Variants in MBD5 observed in about 807,000 individuals in gnomAD.
MBD5 encodes the protein methyl-CpG binding domain protein 5, also known as methyl-CpG-binding domain protein 5.
In MBD5, 13 loss-of-function variants were observed where a neutral mutation model predicts 117.3. The observed-to-expected ratio is 0.11, with a 90% CI of 0.07 to 0.18. MBD5 has a LOEUF of 0.18. MBD5 is among the 10% of genes least tolerant of loss of function. The probability of loss-of-function intolerance (pLI) is 1.00; values close to 1 mark genes in which losing one functional copy is unlikely to be tolerated. For missense variants in MBD5, 1,879 were observed against 2,093.8 expected (o/e 0.90, Z 2.00); for synonymous variants, 727 against 766.4 (o/e 0.95, Z 0.85).
At chr2:148,045,492 TG>T (rs1312453023) in intron 1 of MBD5, among the ~76,000 whole-genome samples, 1 of 152,226 alleles carries the variant, frequency 6.6e-6, no homozygotes, top group Admixed American at 6.5e-5. Flanking sequence ...GCTTATCATA[TG>T]CCAGACATAG....
Position 148,462,802 on chromosome 2 carries a change from TTATC to T in MBD5, c.216+121_216+124del, listed in dbSNP as rs1198529488. ...TTCTCCAATCATACATTTTAATTCT[TTATC>T]TAATTCTCATATTTTGCATGTGTTT... On this transcript the variant is annotated intron_variant, in intron 6 of 13. Transcript: ENST00000642680. The T allele has an allele frequency of 4.2e-6, 3 of 712,012 alleles. No homozygotes were observed. In the African/African-American group the frequency reaches 5.4e-5, roughly 13 times the overall value. 44.1% of individuals were successfully genotyped at this position (712,012 alleles called of 1,614,324 possible).
chr2:148,324,412 C>G (rs553752012), intron 3 of MBD5, among the ~76,000 whole-genome samples: 29 of 152,188 alleles, frequency 1.9e-4, no homozygotes, highest in Admixed American at 1.6e-3. Flanking sequence ...CATTGAATCT[C>G]TAAATTACCT....
At chr2:148,312,799 G>A (rs886416587) in intron 3 of MBD5, among the ~76,000 whole-genome samples, 2 of 152,044 alleles carry the variant, frequency 1.3e-5, no homozygotes, top group Admixed American at 1.3e-4. Context: ...TCTACCTTTG[G>A]TCTTTGATGT....
intron 3 of MBD5, chr2:148,260,695 C>G (rs1216307229): frequency 4.8e-6 from 1 of 206,270 alleles, no homozygotes; most frequent in Non-Finnish European, 1.0e-5. Context: ...GCTGCTCTAC[C>G]CAGGTCAGAG....
chr2:148,390,010 GAA>G (rs1704517372), intron 4 of MBD5, among the ~76,000 whole-genome samples: 1 of 152,078 alleles, frequency 6.6e-6, no homozygotes, highest in South Asian at 2.1e-4. Flanking sequence ...CCGATGTCCA[GAA>G]AAGTTTTTCC....
intron 3 of MBD5, among the ~76,000 whole-genome samples, chr2:148,241,601 C>T (rs575205082): frequency 1.3e-5 from 2 of 152,022 alleles, no homozygotes; most frequent in East Asian, 1.9e-4. Context: ...CTTTCTGGGC[C>T]CCCCCTCCCT....
intron 1 of MBD5, among the ~76,000 whole-genome samples, chr2:148,060,111 A>G (rs565891058): frequency 9.5e-5 from 12 of 125,904 alleles, no homozygotes; most frequent in South Asian, 5.4e-4. Flanking sequence ...ACATAGTGAA[A>G]CCCTGTCTCT....
intron 2 of MBD5, among the ~76,000 whole-genome samples, chr2:148,203,035 G>A (rs913690662): frequency 2.0e-5 from 3 of 151,032 alleles, no homozygotes; most frequent in African/African-American, 4.9e-5. Flanking sequence ...AACTTGGGAG[G>A]TGGAGGTTGC....
At chr2:148,328,012 G>A (rs1310951865) in intron 3 of MBD5, among the ~76,000 whole-genome samples, 1 of 152,002 alleles carries the variant, frequency 6.6e-6, no homozygotes, top group Non-Finnish European at 1.5e-5. Context: ...TGTACAGATG[G>A]GTTTTTGGTG....
intron 12 of MBD5, among the ~76,000 whole-genome samples, chr2:148,509,630 T>C (rs1210276812): frequency 6.6e-6 from 1 of 152,190 alleles, no homozygotes; most frequent in Non-Finnish European, 1.5e-5. Flanking sequence ...AGCTCCCTAG[T>C]GGCCAGAGCC....
chr2:148,386,227 A>G (rs1458235999), intron 4 of MBD5, among the ~76,000 whole-genome samples: 1 of 152,240 alleles, frequency 6.6e-6, no homozygotes, highest in Non-Finnish European at 1.5e-5. Context: ...AATAAAGAGC[A>G]GAAATTAATG....
intron 4 of MBD5, among the ~76,000 whole-genome samples, chr2:148,433,735 T>C (rs1706065632): frequency 6.6e-6 from 1 of 152,184 alleles, no homozygotes. Flanking sequence ...TTTGTTGTGC[T>C]TCTGGATTCA....
chr2:148,427,423 C>T (rs1472813121), intron 4 of MBD5, among the ~76,000 whole-genome samples: 1 of 151,670 alleles, frequency 6.6e-6, no homozygotes, highest in African/African-American at 2.4e-5. Flanking sequence ...CAATGATAGA[C>T]TGGATTCCAT....
chr2:148,276,027 G>A (rs540247677), intron 3 of MBD5, among the ~76,000 whole-genome samples: 9 of 151,646 alleles, frequency 5.9e-5, no homozygotes, highest in African/African-American at 1.2e-4. Context: ...ATTTTTTAAC[G>A]TTGGCCAAGC....
intron 1 of MBD5, among the ~76,000 whole-genome samples, chr2:148,070,647 C>T (rs79640398): frequency 0.022 from 3,394 of 152,186 alleles, 112 homozygotes; most frequent in African/African-American, 0.078. Context: ...CTTTGTTAAA[C>T]TTCATGCCAT....
At chr2:148,319,468 AC>A (rs1702233088) in intron 3 of MBD5, among the ~76,000 whole-genome samples, 1 of 152,098 alleles carries the variant, frequency 6.6e-6, no homozygotes, top group Admixed American at 6.6e-5. Context: ...GAGATATCTC[AC>A]CTTGGTTAAA....
At chr2:148,195,898 A>G (rs531090431) in intron 2 of MBD5, among the ~76,000 whole-genome samples, 5 of 152,364 alleles carry the variant, frequency 3.3e-5, no homozygotes, top group Middle Eastern at 3.4e-3. Context: ...TGGCTTAGAA[A>G]GAAATTTGTA....
Position 148,394,072 on chromosome 2 carries a change from A to T in MBD5, c.-557+51736A>T, listed in dbSNP as rs1479248593. ...ATGTTCTGATTTAAGATATACAAATAGCAAATGCATTTTTGCACCCATAAG... is the reference window on the plus strand; with the variant it reads ...ATGTTCTGATTTAAGATATACAAATTGCAAATGCATTTTTGCACCCATAAG... On this transcript the variant is annotated intron_variant, in intron 4 of 13. Coordinates refer to ENST00000642680, the MANE Select transcript of MBD5 (RefSeq NM_001378120.1). 3.3e-5 allele frequency among the ~76,000 whole-genome samples: 5 copies of T among 152,240 alleles called. No homozygotes were observed. The East Asian group carries it at 9.6e-4, about 29-fold the overall frequency.
chr2:148,100,666 G>A (rs6430289), intron 1 of MBD5, among the ~76,000 whole-genome samples: 63,216 of 152,060 alleles, frequency 0.42, 13,361 homozygotes, highest in Middle Eastern at 0.54. Context: ...TGTGCCATAT[G>A]TTCTCTCCTC....
Sources: allele counts gnomAD v4.1 joint callset (sites outside exome capture counted in the v4.1 genomes callset), GRCh38; gene constraint gnomAD v4.1.1; transcripts MANE v1.5; gene names NCBI Gene and HGNC (gene_info 2026-07-23, HGNC 2026-07-21).